The following TENM2 variants were observed in gnomAD, a reference collection of about 807,000 sequenced individuals.
TENM2 encodes the protein teneurin transmembrane protein 2.
In TENM2, 52 loss-of-function variants were observed where a neutral mutation model predicts 245.2. That is an observed-to-expected ratio of 0.21 (90% CI 0.17 to 0.27). The LOEUF is 0.27. Ranked by LOEUF, TENM2 falls within the 10% of genes least tolerant of loss-of-function variation. The pLI is 1.00. For missense variants in TENM2, 3,046 were observed against 3,666.8 expected, an observed-to-expected ratio of 0.83 and a Z score of 4.37; for synonymous variants, 1,363 against 1,438.9, an observed-to-expected ratio of 0.95 and a Z score of 1.19.
intron 2 of TENM2, among the ~76,000 whole-genome samples, chr5:167,420,325 T>G (rs1763427846): frequency 6.6e-6 from 1 of 152,204 alleles, no homozygotes; most frequent in South Asian, 2.1e-4. Context: ...TGGGACCAAA[T>G]AAACTATGTG....
rs190159009 is a variant in TENM2 at position 167,445,998 on chromosome 5, G to C, written c.502+70525G>C. On this transcript the variant is annotated intron_variant, in intron 2 of 28. Transcript: ENST00000518659. ...GTGATGAAATGTTTAATCTCCCCTA[G>C]GGTTTGGTGGACATTTTCAGCTGCT... 4.7e-4 allele frequency among the ~76,000 whole-genome samples: 72 copies of C among 152,224 alleles called. 1 individual carries two copies. Among genetic ancestry groups the C allele is most frequent in the African/African-American group, 1.7e-3 (71 of 41,532 alleles).
chr5:167,941,149 A>C (rs775011007), intron 3 of TENM2, among the ~76,000 whole-genome samples: 12 of 152,232 alleles, frequency 7.9e-5, no homozygotes, highest in Non-Finnish European at 1.3e-4. Flanking sequence ...GAATTGTTCA[A>C]CAGTGGATTG....
intron 6 of TENM2, among the ~76,000 whole-genome samples, chr5:168,049,897 G>A (rs985308792): frequency 1.1e-4 from 16 of 152,070 alleles, no homozygotes; most frequent in Admixed American, 3.3e-4. Context: ...CCACCTCCCC[G>A]GTTCAAGCAA....
At position 167,615,817 on chromosome 5, in the gene TENM2, TAG is replaced by T. The variant is rs374344698; in HGVS notation, c.502+240348_502+240349del. ...ATATTCCTTTTGCTGGTGGTGGAAA[TAG>T]AGACCAAAACCAGCTCCTCTTTACC... On this transcript the variant is annotated intron_variant, in intron 2 of 28. Transcript: ENST00000518659. Among the ~76,000 whole-genome samples the T allele has an allele frequency of 7.2e-5, 11 of 152,206 alleles. No individual in the cohort carries two copies. In the East Asian group the frequency reaches 2.1e-3, roughly 29 times the overall value.
chr5:167,017,774 C>T, the TENM2 span, among the ~76,000 whole-genome samples: 1 of 152,062 alleles, frequency 6.6e-6, no homozygotes. Context: ...AATATGAATG[C>T]ATATAGGAAA....
chr5:167,147,306 C>G, the TENM2 span, among the ~76,000 whole-genome samples: 1 of 152,150 alleles, frequency 6.6e-6, no homozygotes, highest in African/African-American at 2.4e-5. Flanking sequence ...CAATCATCAT[C>G]CAGTTGTGTC....
intron 2 of TENM2, among the ~76,000 whole-genome samples, chr5:167,835,208 A>G (rs1037994624): frequency 6.6e-6 from 1 of 152,228 alleles, no homozygotes; most frequent in Non-Finnish European, 1.5e-5. Flanking sequence ...TACTTAGAGA[A>G]GGTTCTAGAA....
intron 12 of TENM2, among the ~76,000 whole-genome samples, chr5:168,144,421 A>T (rs1486204862): frequency 6.6e-6 from 1 of 151,984 alleles, no homozygotes; most frequent in East Asian, 1.9e-4. Flanking sequence ...GTAAGTGAGA[A>T]TATGTGGTGT....
chr5:167,124,544 A>G, the TENM2 span, among the ~76,000 whole-genome samples: 1 of 152,226 alleles, frequency 6.6e-6, no homozygotes, highest in Admixed American at 6.5e-5. Context: ...AAGATCTTAT[A>G]AAAATGAGTG....
chr5:166,995,741 A>G, the TENM2 span, among the ~76,000 whole-genome samples: 127,169 of 146,572 alleles, frequency 0.87, 55,307 homozygotes, highest in African/African-American at 0.92. Context: ...GCTTGAGCCC[A>G]GGAGGCGGAG....
intron 5 of TENM2, among the ~76,000 whole-genome samples, chr5:168,018,017 G>T (rs1461227339): frequency 6.6e-6 from 1 of 152,050 alleles, no homozygotes; most frequent in Non-Finnish European, 1.5e-5. Flanking sequence ...TCCACTGTTG[G>T]GCAACAGAAG....
intron 2 of TENM2, among the ~76,000 whole-genome samples, chr5:167,647,483 C>T (rs1315068042): frequency 2.0e-5 from 3 of 151,856 alleles, no homozygotes; most frequent in African/African-American, 4.8e-5. Flanking sequence ...ATTAGCCGGG[C>T]GTGGTGGTGA....
intron 2 of TENM2, among the ~76,000 whole-genome samples, chr5:167,734,676 T>C (rs946458367): frequency 3.3e-5 from 5 of 152,188 alleles, no homozygotes; most frequent in Middle Eastern, 6.8e-3. Flanking sequence ...AGTACTGTGG[T>C]CTGCATTAAA....
At chr5:168,074,047 G>T (rs79359017) in intron 7 of TENM2, among the ~76,000 whole-genome samples, 3 of 152,150 alleles carry the variant, frequency 2.0e-5, no homozygotes, top group Non-Finnish European at 4.4e-5. Flanking sequence ...CCTTTGTTTG[G>T]CCCAGCCTCG....
At chr5:167,291,195 T>C (rs1259063470) in intron 1 of TENM2, among the ~76,000 whole-genome samples, 2 of 152,236 alleles carry the variant, frequency 1.3e-5, no homozygotes. Flanking sequence ...CCCCAGAGTT[T>C]CACCCTAATC....
Position 167,670,842 on chromosome 5 carries a change from ATT to A in TENM2, c.503-205140_503-205139del, listed in dbSNP as rs572194600. Among the ~76,000 whole-genome samples the A allele has an allele frequency of 5.7e-4, 86 of 152,110 alleles. No individual in the cohort carries two copies. The South Asian group carries it at 0.012, about 21-fold the overall frequency. On this transcript the variant is annotated intron_variant, in intron 2 of 28. Coordinates refer to ENST00000518659, the Ensembl canonical transcript of TENM2. ...AGTCTGTTTTGCATTCCTCCTTGCC[ATT>A]TTTCCTTCCCCATTCAGTTCATCCT...
the TENM2 span, among the ~76,000 whole-genome samples, chr5:167,036,416 A>G: frequency 2.0e-5 from 3 of 152,326 alleles, no homozygotes; most frequent in Admixed American, 2.0e-4. Flanking sequence ...ATTGTTTCAC[A>G]TTTCCAATAC....
rs533731074 is a variant in TENM2 at position 168,128,470 on chromosome 5, C to T, written c.2422+1504C>T. On this transcript the variant is annotated intron_variant, in intron 12 of 28. Transcript: ENST00000518659. ...CTCAAAAGCTCTTGCCAATCATCAG[C>T]GTTGAGGTGGATAATCCTACTTTCT... Among the ~76,000 whole-genome samples, 4 of 152,346 alleles carry T rather than the reference C, an allele frequency of 2.6e-5. No homozygotes were observed. In the South Asian group the frequency reaches 8.3e-4, roughly 32 times the overall value.
chr5:167,595,496 A>C (rs1014509993), intron 2 of TENM2, among the ~76,000 whole-genome samples: 4 of 152,220 alleles, frequency 2.6e-5, no homozygotes, highest in African/African-American at 9.7e-5. Context: ...CAGCAAACAG[A>C]CCTATTCTGA....
Sources: allele counts gnomAD v4.1 joint callset (sites outside exome capture counted in the v4.1 genomes callset), GRCh38; gene constraint gnomAD v4.1.1; transcripts MANE v1.5; gene names NCBI Gene and HGNC (gene_info 2026-07-23, HGNC 2026-07-21).